Variants in TMEM135 observed in about 807,000 individuals in gnomAD.
The protein encoded by TMEM135 is transmembrane protein 135, also known as peroxisomal membrane protein 52.
In TMEM135, 30 loss-of-function variants were observed where a neutral mutation model predicts 60.3. The observed-to-expected ratio is 0.50, with a 90% CI of 0.37 to 0.68. The LOEUF is 0.68. Among genes scored for constraint, TMEM135 ranks in the 30% least tolerant of loss-of-function variants. The pLI is 0.00. For synonymous variants in TMEM135, 190 were observed against 186.7 expected, an observed-to-expected ratio of 1.02 and a Z score of -0.14; for missense variants, 468 against 548.8, an observed-to-expected ratio of 0.85 and a Z score of 1.47.
chr11:87,209,402 T>C (rs1269609324), intron 5 of TMEM135, among the ~76,000 whole-genome samples: 3 of 152,102 alleles, frequency 2.0e-5, no homozygotes, highest in Admixed American at 1.3e-4. Flanking sequence ...GCTATTCTTA[T>C]ATCAGAAAAA....
chr11:87,137,757 A>G (rs1398147557), intron 4 of TMEM135, among the ~76,000 whole-genome samples: 1 of 151,926 alleles, frequency 6.6e-6, no homozygotes, highest in Non-Finnish European at 1.5e-5. Flanking sequence ...TCTTTTGTTA[A>G]TTTTCATTAT....
chr11:87,190,612 T>C (rs1442133795), intron 5 of TMEM135, among the ~76,000 whole-genome samples: 1 of 152,076 alleles, frequency 6.6e-6, no homozygotes, highest in Non-Finnish European at 1.5e-5. Context: ...TTGTCATTAA[T>C]GTTAAGGAAG....
intron 6 of TMEM135, among the ~76,000 whole-genome samples, chr11:87,277,892 G>A (rs1237960500): frequency 1.3e-5 from 2 of 152,108 alleles, no homozygotes; most frequent in African/African-American, 4.8e-5. Context: ...ACCTAAACTT[G>A]CTTCTTAATG....
Position 87,324,006 on chromosome 11 carries a change from G to T in TMEM135, c.*2673G>T, listed in dbSNP as rs1942873363. ...TTAATTTAGAATTTTATATTTTTTT[G>T]GCTCTCAGATTTTATAATGAACTTT... On this transcript the variant is annotated 3_prime_UTR_variant, in exon 15 of 15. Transcript: ENST00000305494. 2.2e-6 allele frequency: 1 copy of T among 453,068 alleles called. No individual in the cohort carries two copies. Among genetic ancestry groups the T allele is most frequent in the Non-Finnish European group, 4.4e-6 (1 of 226,540 alleles). 28.1% of individuals were successfully genotyped at this position (453,068 alleles called of 1,614,324 possible).
chr11:87,158,403 C>T (rs1236910287), intron 5 of TMEM135, among the ~76,000 whole-genome samples: 1 of 151,726 alleles, frequency 6.6e-6, no homozygotes, highest in Non-Finnish European at 1.5e-5. Flanking sequence ...AATGTGCCAA[C>T]ATTTGAAAAG....
intron 4 of TMEM135, among the ~76,000 whole-genome samples, chr11:87,149,194 C>G (rs945124714): frequency 6.4e-4 from 97 of 152,102 alleles, no homozygotes; most frequent in African/African-American, 2.3e-3. Flanking sequence ...TTAACTTTGT[C>G]TTGACAACTT....
intron 5 of TMEM135, among the ~76,000 whole-genome samples, chr11:87,234,892 A>G (rs546537060): frequency 6.6e-6 from 1 of 152,090 alleles, no homozygotes; most frequent in South Asian, 2.1e-4. Context: ...ATTTTGAGGG[A>G]AGGCAGACTT....
At position 87,323,154 on chromosome 11, in the gene TMEM135, G is replaced by A. The variant is rs771738578; in HGVS notation, c.*1821G>A. The A allele has an allele frequency of 2.3e-4, 103 of 453,898 alleles. No homozygotes were observed. In the Middle Eastern group the frequency reaches 2.8e-3, roughly 12 times the overall value. 28.1% of individuals were successfully genotyped at this position (453,898 alleles called of 1,614,324 possible). A position where few individuals can be genotyped will look rare whatever the true frequency, so the allele number is the denominator to read the frequency against. On this transcript the variant is annotated 3_prime_UTR_variant, in exon 15 of 15. Coordinates refer to ENST00000305494, the MANE Select transcript of TMEM135 (RefSeq NM_022918.4). ...ACTGTGATATTGAAAGATGAATTACGAAATTTGCTGAGATTGTTTAGTAAA... is the reference window on the plus strand; with the variant it reads ...ACTGTGATATTGAAAGATGAATTACAAAATTTGCTGAGATTGTTTAGTAAA...
Position 87,122,707 on chromosome 11 carries a change from C to T in TMEM135, c.396+31312C>T, listed in dbSNP as rs557822444. ...AACTTCTGACCTCAGGTGACCCACC[C>T]GCCTTGGCCTCCCAAAGTGCTGGGA... On this transcript the variant is annotated intron_variant, in intron 4 of 14. Coordinates refer to ENST00000305494, the MANE Select transcript of TMEM135 (RefSeq NM_022918.4). 2.0e-4 allele frequency among the ~76,000 whole-genome samples: 31 copies of T among 152,202 alleles called. No individual in the cohort carries two copies. The South Asian group carries it at 5.2e-3, about 25-fold the overall frequency.
At chr11:87,169,376 G>A in intron 5 of TMEM135, among the ~76,000 whole-genome samples, 2 of 151,026 alleles carry the variant, frequency 1.3e-5, no homozygotes, top group African/African-American at 4.9e-5. Context: ...CCCATTAGTT[G>A]ATGCAGTTTC....
chr11:87,218,208 C>T (rs1458736144), intron 5 of TMEM135, among the ~76,000 whole-genome samples: 3 of 152,082 alleles, frequency 2.0e-5, no homozygotes, highest in African/African-American at 7.2e-5. Flanking sequence ...AATAATTTAT[C>T]CACCCCCAAA....
chr11:87,070,393 C>G (rs1192948294), intron 2 of TMEM135, among the ~76,000 whole-genome samples: 1 of 151,854 alleles, frequency 6.6e-6, no homozygotes, highest in Non-Finnish European at 1.5e-5. Context: ...GCCTGTAATC[C>G]CAGCACTTTG....
chr11:87,260,731 G>T (rs1049955886), intron 6 of TMEM135, among the ~76,000 whole-genome samples: 3 of 150,044 alleles, frequency 2.0e-5, no homozygotes, highest in African/African-American at 4.9e-5. Flanking sequence ...AAAAAGAAAG[G>T]TTTTTTTTTT....
intron 1 of TMEM135, among the ~76,000 whole-genome samples, chr11:87,062,770 T>C (rs949435411): frequency 6.6e-6 from 1 of 152,108 alleles, no homozygotes; most frequent in Non-Finnish European, 1.5e-5. Context: ...CCCATTTATT[T>C]TTAAAAAAAT....
intron 2 of TMEM135, among the ~76,000 whole-genome samples, chr11:87,068,292 A>G (rs569419399): frequency 4.6e-5 from 7 of 152,198 alleles, no homozygotes; most frequent in African/African-American, 1.2e-4. Flanking sequence ...TCAGTCTTAT[A>G]TATATTACCT....
In TMEM135 at chr11:87,326,460, A is replaced by G. The variant is rs972448471; in HGVS notation, c.*5127A>G. The G allele has an allele frequency of 2.2e-6, 1 of 453,884 alleles. No homozygotes were observed. Among genetic ancestry groups the G allele is most frequent in the Admixed American group, 2.4e-5 (1 of 42,544 alleles). 28.1% of individuals were successfully genotyped at this position (453,884 alleles called of 1,614,324 possible). A position where few individuals can be genotyped will look rare whatever the true frequency, so the allele number is the denominator to read the frequency against. On this transcript the variant is annotated 3_prime_UTR_variant, in exon 15 of 15. Transcript: ENST00000305494. The stretch of plus-strand genomic sequence containing the variant: ...CTTAAATTAATTTTCTTTTCAGATT[A>G]TTTTTGGTCACCTAAGAGGACCCTG...
rs146853769 is a variant in TMEM135 at position 87,177,047 on chromosome 11, A to C, written c.462+19641A>C. On this transcript the variant is annotated intron_variant, in intron 5 of 14. Coordinates refer to ENST00000305494, the MANE Select transcript of TMEM135 (RefSeq NM_022918.4). ...TATAATTTTCAGTAATGGATTGTAAAATCATCAAGTGAAAGAACATTTAAT... is the reference window on the plus strand; with the variant it reads ...TATAATTTTCAGTAATGGATTGTAACATCATCAAGTGAAAGAACATTTAAT... 2.8e-3 allele frequency among the ~76,000 whole-genome samples: 423 copies of C among 152,276 alleles called. 3 individuals are homozygous for C. The highest frequency in any genetic ancestry group is 9.7e-3 in the African/African-American group (405 of 41,550).
intron 5 of TMEM135, among the ~76,000 whole-genome samples, chr11:87,178,778 A>G (rs1357890134): frequency 6.6e-6 from 1 of 151,612 alleles, no homozygotes; most frequent in Non-Finnish European, 1.5e-5. Context: ...TTCCCTTTTC[A>G]TGACTGAATA....
At chr11:87,044,022 T>A (rs181769192) in intron 1 of TMEM135, among the ~76,000 whole-genome samples, 1 of 152,256 alleles carries the variant, frequency 6.6e-6, no homozygotes, top group East Asian at 1.9e-4. Context: ...TCTTTTGCAT[T>A]TTTGGGAAAG....
Sources: allele counts gnomAD v4.1 joint callset (sites outside exome capture counted in the v4.1 genomes callset), GRCh38; gene constraint gnomAD v4.1.1; transcripts MANE v1.5; gene names NCBI Gene and HGNC (gene_info 2026-07-23, HGNC 2026-07-21).